The following RAB3C variants were observed in gnomAD, a reference collection of about 807,000 sequenced individuals.
The protein encoded by RAB3C is RAB3C, member RAS oncogene family, also known as ras-related protein Rab-3C.
In RAB3C, 17 loss-of-function variants were observed where a neutral mutation model predicts 26.4. That is an observed-to-expected ratio of 0.64 (90% CI 0.44 to 0.97). The LOEUF is 0.97. Ranked by LOEUF, RAB3C falls within the 50% of genes least tolerant of loss-of-function variation. The probability of loss-of-function intolerance (pLI) is 0.00; values close to 1 mark genes in which losing one functional copy is unlikely to be tolerated. For synonymous variants in RAB3C, 91 were observed against 95.9 expected, an observed-to-expected ratio of 0.95 and a Z score of 0.30; for missense variants, 242 against 281.9, an observed-to-expected ratio of 0.86 and a Z score of 1.01.
chr5:58,751,471 CAGATTAT>C (rs1405523840), intron 3 of RAB3C, among the ~76,000 whole-genome samples: 4 of 152,130 alleles, frequency 2.6e-5, no homozygotes, highest in Admixed American at 6.6e-5. Context: ...AGTCAGAAAG[CAGATTAT>C]AGATAGATTA....
At chr5:58,717,807 G>A (rs1327103648) in intron 2 of RAB3C, among the ~76,000 whole-genome samples, 3 of 151,990 alleles carry the variant, frequency 2.0e-5, no homozygotes, top group African/African-American at 7.2e-5. Context: ...CAACCCTGCT[G>A]TCTCTCTCCA....
At chr5:58,722,396 G>A (rs1396526967) in intron 2 of RAB3C, among the ~76,000 whole-genome samples, 1 of 150,822 alleles carries the variant, frequency 6.6e-6, no homozygotes, top group Non-Finnish European at 1.5e-5. Context: ...CTGTAAGAAT[G>A]CTGTGTAATC....
chr5:58,846,628 C>T (rs1306699172), intron 4 of RAB3C, among the ~76,000 whole-genome samples: 2 of 152,046 alleles, frequency 1.3e-5, no homozygotes, highest in African/African-American at 2.4e-5. Flanking sequence ...ATCCTCCCAC[C>T]GTGGCCTCCC....
Position 58,857,694 on chromosome 5 carries a change from A to G in RAB3C, c.*6343A>G, listed in dbSNP as rs866807670. On this transcript the variant is annotated 3_prime_UTR_variant, in exon 5 of 5. Coordinates refer to ENST00000282878, the MANE Select transcript of RAB3C (RefSeq NM_138453.4). ...ATTTTTAGGTTGTAGCTAATGTTGTATTCACTTTCAATTCTCAGTTGTCCA... is the reference window on the plus strand; with the variant it reads ...ATTTTTAGGTTGTAGCTAATGTTGTGTTCACTTTCAATTCTCAGTTGTCCA... 3 of 152,188 alleles carry G rather than the reference A, an allele frequency of 2.0e-5. No homozygotes were observed. The highest frequency in any genetic ancestry group is 1.3e-4 in the Admixed American group (2 of 15,268). The allele number at this position is 152,188 out of a possible 1,614,324, so 9.4% of individuals were successfully genotyped here. A position where few individuals can be genotyped will look rare whatever the true frequency, so the allele number is the denominator to read the frequency against.
chr5:58,858,384 T>C lies in RAB3C; in HGVS notation c.*7033T>C, dbSNP rs1167555490. On this transcript the variant is annotated 3_prime_UTR_variant, in exon 5 of 5. Coordinates refer to ENST00000282878, the MANE Select transcript of RAB3C (RefSeq NM_138453.4). ...ATAATTTAAGGGTGTGGTTGAATTT[T>C]AGTTAGTTGTCACATAGTTATTGAA... The C allele has an allele frequency of 1.3e-5, 2 of 152,174 alleles. No individual in the cohort carries two copies. Among genetic ancestry groups the C allele is most frequent in the African/African-American group, 4.8e-5 (2 of 41,436 alleles). The allele number at this position is 152,174 out of a possible 1,614,324, so 9.4% of individuals were successfully genotyped here. A position where few individuals can be genotyped will look rare whatever the true frequency, so the allele number is the denominator to read the frequency against.
intron 2 of RAB3C, among the ~76,000 whole-genome samples, chr5:58,646,956 G>A (rs772189082): frequency 3.9e-5 from 6 of 152,168 alleles, no homozygotes; most frequent in Non-Finnish European, 8.8e-5. Context: ...TGCTTATCCT[G>A]TGTTGCAGGC....
intron 2 of RAB3C, among the ~76,000 whole-genome samples, chr5:58,637,032 G>A (rs1005895269): frequency 3.3e-5 from 5 of 151,590 alleles, no homozygotes; most frequent in Non-Finnish European, 2.9e-5. Flanking sequence ...ACAATTAGTG[G>A]AAAGTAACCA....
At chr5:58,612,645 A>G (rs6859899) in intron 1 of RAB3C, among the ~76,000 whole-genome samples, 21,091 of 150,660 alleles carry the variant, frequency 0.14, 1,635 homozygotes, top group Non-Finnish European at 0.16. Context: ...GTTTAGGAAT[A>G]CTAGTGATTT....
intron 1 of RAB3C, among the ~76,000 whole-genome samples, chr5:58,595,909 A>T (rs1476786749): frequency 6.6e-6 from 1 of 152,156 alleles, no homozygotes; most frequent in African/African-American, 2.4e-5. Context: ...CTTCATTTTT[A>T]CAAATTGACA....
intron 4 of RAB3C, among the ~76,000 whole-genome samples, chr5:58,840,526 G>A (rs1488793991): frequency 2.6e-5 from 4 of 151,996 alleles, no homozygotes; most frequent in Non-Finnish European, 2.9e-5. Flanking sequence ...ACAGTGTCTT[G>A]TTTCCTTGCT....
intron 2 of RAB3C, among the ~76,000 whole-genome samples, chr5:58,698,856 G>T (rs1452532007): frequency 6.6e-6 from 1 of 152,152 alleles, no homozygotes; most frequent in East Asian, 1.9e-4. Context: ...TAACTTCCTT[G>T]TGATGGGTTC....
intron 3 of RAB3C, among the ~76,000 whole-genome samples, chr5:58,778,687 T>C (rs1742203676): frequency 1.3e-5 from 2 of 152,162 alleles, no homozygotes; most frequent in East Asian, 3.9e-4. Flanking sequence ...CTACCTCTCA[T>C]ACCCAAATGG....
chr5:58,671,752 T>C (rs1182951446), intron 2 of RAB3C, among the ~76,000 whole-genome samples: 1 of 152,216 alleles, frequency 6.6e-6, no homozygotes, highest in Non-Finnish European at 1.5e-5. Context: ...GTTGCACTTT[T>C]CATTCAGCTT....
intron 1 of RAB3C, among the ~76,000 whole-genome samples, chr5:58,616,618 G>A (rs1213700530): frequency 2.6e-5 from 4 of 152,256 alleles, no homozygotes; most frequent in South Asian, 2.1e-4. Context: ...TATGCTAGAT[G>A]CTTTACATAT....
chr5:58,698,310 G>A (rs983298877), intron 2 of RAB3C, among the ~76,000 whole-genome samples: 13 of 152,174 alleles, frequency 8.5e-5, no homozygotes, highest in Non-Finnish European at 1.8e-4. Flanking sequence ...AGTATGATGG[G>A]CTTCCCTTTG....
rs1213370481 is a variant in RAB3C, at chr5:58,856,687, G to C, written c.*5336G>C. On this transcript the variant is annotated 3_prime_UTR_variant, in exon 5 of 5. Coordinates refer to ENST00000282878, the MANE Select transcript of RAB3C (RefSeq NM_138453.4). ...TTATTTTGCATTCATGTTATTTGGG[G>C]CTAGGTATTGCTTAGGTTCGTGAAT... is the stretch of plus-strand genomic sequence containing the variant. The C allele has an allele frequency of 6.6e-6, 1 of 152,126 alleles. No individual in the cohort carries two copies. Among genetic ancestry groups the C allele is most frequent in the Non-Finnish European group, 1.5e-5 (1 of 68,034 alleles). The allele number at this position is 152,126 out of a possible 1,614,324, so 9.4% of individuals were successfully genotyped here.
chr5:58,609,430 G>T (rs1046349824), intron 1 of RAB3C, among the ~76,000 whole-genome samples: 2 of 152,140 alleles, frequency 1.3e-5, no homozygotes, highest in East Asian at 3.9e-4. Context: ...TTAAAAGGGG[G>T]ATGCTAATGG....
At chr5:58,774,558 G>C (rs2111992132) in intron 3 of RAB3C, among the ~76,000 whole-genome samples, 1 of 152,220 alleles carries the variant, frequency 6.6e-6, no homozygotes. Context: ...GTGGGTGGAT[G>C]CAGATAATAA....
In RAB3C at chr5:58,857,476, T is replaced by C. The variant is rs180912485; in HGVS notation, c.*6125T>C. The stretch of plus-strand genomic sequence containing the variant: ...AGTGTACATTTTACTTTTAAGCAAC[T>C]AATTTAGATACCTAAGAAAAACTAT... On this transcript the variant is annotated 3_prime_UTR_variant, in exon 5 of 5. Coordinates refer to ENST00000282878, the MANE Select transcript of RAB3C (RefSeq NM_138453.4). 359 of 152,294 alleles carry C rather than the reference T, an allele frequency of 2.4e-3. 2 individuals carry two copies. The highest frequency in any genetic ancestry group is 8.3e-3 in the African/African-American group (345 of 41,570). The allele number at this position is 152,294 out of a possible 1,614,324, so 9.4% of individuals were successfully genotyped here.
Sources: gnomAD v4.1 joint callset for allele counts (sites outside exome capture counted in the v4.1 genomes callset) on GRCh38, gnomAD v4.1.1 for gene constraint, MANE v1.5 for transcripts, NCBI Gene and HGNC (gene_info 2026-07-23, HGNC 2026-07-21) for gene names.